Variants in PDE8B observed in about 807,000 individuals in gnomAD.
PDE8B encodes the protein phosphodiesterase 8B.
PDE8B carries 26 observed loss-of-function variants against 101.3 expected under a neutral mutation model. The ratio of observed to expected loss-of-function variants is 0.26; its 90% CI spans 0.19 to 0.36. The LOEUF is 0.36. Ranked by LOEUF, PDE8B falls within the 10% of genes least tolerant of loss-of-function variation. PDE8B has a pLI of 1.00. For synonymous variants in PDE8B, 424 were observed against 429.3 expected, an observed-to-expected ratio of 0.99 and a Z score of 0.15; for missense variants, 810 against 1,163.1, an observed-to-expected ratio of 0.70 and a Z score of 4.42.
rs544100557 is a variant in PDE8B, at chr5:77,425,232, A to C, written c.2419-535A>C. Among the ~76,000 whole-genome samples the C allele has an allele frequency of 2.2e-4, 33 of 152,296 alleles. No individual in the cohort carries two copies. The South Asian group carries it at 6.2e-3, about 29-fold the overall frequency. ...CAGAAAAGGGGCTAAGTACCCTGAG[A>C]TCAATGTGTCAGGAGATGCTATGGT... On this transcript the variant is annotated intron_variant, in intron 20 of 21. Transcript: ENST00000264917.
chr5:77,421,201 C>T (rs535716226), intron 19 of PDE8B, among the ~76,000 whole-genome samples: 3 of 152,162 alleles, frequency 2.0e-5, no homozygotes, highest in African/African-American at 7.2e-5. Context: ...AAGGACCCCA[C>T]GCCTACCTGG....
At chr5:77,163,339 G>T in the PDE8B span, among the ~76,000 whole-genome samples, 11 of 152,268 alleles carry the variant, frequency 7.2e-5, no homozygotes, top group Middle Eastern at 6.8e-3. Flanking sequence ...TAAGGGTAGG[G>T]TTCTTACATG....
At chr5:77,246,126 A>G (rs1580545435) in intron 1 of PDE8B, among the ~76,000 whole-genome samples, 1 of 152,254 alleles carries the variant, frequency 6.6e-6, no homozygotes, top group South Asian at 2.1e-4. Context: ...TGCTGGGACT[A>G]CAGGCATGAG....
chr5:77,312,974 G>T (rs1054587739), intron 2 of PDE8B, among the ~76,000 whole-genome samples: 1 of 152,134 alleles, frequency 6.6e-6, no homozygotes. Flanking sequence ...CCAGGTTCCC[G>T]TGCCCCCTTA....
intron 10 of PDE8B, among the ~76,000 whole-genome samples, chr5:77,395,905 C>T (rs1790947987): frequency 6.6e-6 from 1 of 152,138 alleles, no homozygotes; most frequent in Non-Finnish European, 1.5e-5. Context: ...TGGGGCCGAC[C>T]CCATTCTCAG....
intron 10 of PDE8B, among the ~76,000 whole-genome samples, chr5:77,373,128 C>G (rs1000649068): frequency 5.3e-5 from 8 of 151,780 alleles, no homozygotes; most frequent in Non-Finnish European, 1.0e-4. Flanking sequence ...TGAGATTTAT[C>G]AACTTGGTTG....
At chr5:77,096,869 A>T in the PDE8B span, among the ~76,000 whole-genome samples, 1 of 152,098 alleles carries the variant, frequency 6.6e-6, no homozygotes, top group Non-Finnish European at 1.5e-5. Flanking sequence ...TCTTAACATG[A>T]TTACATCTGC....
At chr5:77,400,661 C>T (rs1228689739) in intron 11 of PDE8B, among the ~76,000 whole-genome samples, 1 of 152,172 alleles carries the variant, frequency 6.6e-6, no homozygotes, top group Non-Finnish European at 1.5e-5. Flanking sequence ...TCTCCCTTTT[C>T]TTTGCACTAA....
chr5:77,377,330 G>A (rs887472229), intron 10 of PDE8B, among the ~76,000 whole-genome samples: 18 of 152,172 alleles, frequency 1.2e-4, no homozygotes, highest in African/African-American at 4.1e-4. Flanking sequence ...CTTCTCAAAG[G>A]ATGGCACCGG....
At chr5:77,312,183 A>C (rs1310291845) in intron 2 of PDE8B, 130 bp downstream of exon 2, 7 of 684,200 alleles carry the variant, frequency 1.0e-5, no homozygotes, top group Non-Finnish European at 1.8e-5. Flanking sequence ...GGCTCACTGC[A>C]ACCTCTGCCT....
the PDE8B span, among the ~76,000 whole-genome samples, chr5:77,142,510 G>C: frequency 2.0e-5 from 3 of 152,166 alleles, no homozygotes; most frequent in Admixed American, 6.5e-5. Context: ...TATATAAATG[G>C]CATCCTACAG....
the PDE8B span, chr5:77,147,214 C>T: frequency 6.6e-6 from 2 of 301,206 alleles, no homozygotes; most frequent in Admixed American, 7.8e-5. Flanking sequence ...CATTTAAACC[C>T]CCTGTTTACA....
intron 10 of PDE8B, among the ~76,000 whole-genome samples, chr5:77,395,949 C>A (rs116500571): frequency 2.9e-4 from 44 of 152,318 alleles, no homozygotes; most frequent in African/African-American, 1.1e-3. Context: ...TTTATCCAGT[C>A]CACCAGGCTG....
At chr5:77,179,322 G>A in the PDE8B span, among the ~76,000 whole-genome samples, 1 of 152,202 alleles carries the variant, frequency 6.6e-6, no homozygotes, top group African/African-American at 2.4e-5. Context: ...GGATGAGAAA[G>A]TCAGCAGGAA....
the PDE8B span, chr5:77,100,418 A>G: frequency 1.3e-5 from 2 of 152,418 alleles, no homozygotes; most frequent in East Asian, 3.9e-4. Flanking sequence ...TTACTGCTAC[A>G]TCATACAGGG....
At chr5:77,411,588 T>C (rs1561673549) in intron 14 of PDE8B, 88 bp from the exon 15 acceptor site, 2 of 1,105,674 alleles carry the variant, frequency 1.8e-6, no homozygotes, top group African/African-American at 3.1e-5. Context: ...TTATTCAGGA[T>C]TCAAATCTCT....
the PDE8B span, chr5:77,118,576 A>G: frequency 5.1e-6 from 2 of 393,270 alleles, no homozygotes; most frequent in Non-Finnish European, 9.0e-6. Flanking sequence ...TTCTCAGATC[A>G]GTGCCCTTTA....
chr5:77,162,894 T>G, the PDE8B span, among the ~76,000 whole-genome samples: 104 of 152,338 alleles, frequency 6.8e-4, no homozygotes, highest in African/African-American at 2.4e-3. Context: ...TATTAACTAT[T>G]CACAATAGTT....
intron 17 of PDE8B, 114 bp downstream of exon 17, chr5:77,413,423 TA>T (rs1561678171): frequency 5.2e-5 from 48 of 923,070 alleles, no homozygotes; most frequent in Non-Finnish European, 6.5e-5. Flanking sequence ...ACAGCTTTTT[TA>T]AAAAAAAATT....
Sources: gnomAD v4.1 joint callset for allele counts (sites outside exome capture counted in the v4.1 genomes callset) on GRCh38, gnomAD v4.1.1 for gene constraint, MANE v1.5 for transcripts, NCBI Gene and HGNC (gene_info 2026-07-23, HGNC 2026-07-21) for gene names.